PHF21A: variants seen among roughly 807,000 people sequenced by gnomAD.
PHF21A encodes BHC80a.
A neutral mutation model predicts 82.5 loss-of-function variants in PHF21A; 11 were observed. The ratio of observed to expected loss-of-function variants is 0.13; its 90% CI spans 0.08 to 0.22. The LOEUF (loss-of-function observed/expected upper bound fraction) is 0.22, where lower values mean the gene tolerates loss of function less well. PHF21A is among the 10% of genes least tolerant of loss of function. The pLI, the probability that PHF21A is intolerant of heterozygous loss-of-function variation, is 1.00. For synonymous variants in PHF21A, 297 were observed against 302.8 expected, an observed-to-expected ratio of 0.98 and a Z score of 0.20; for missense variants, 579 against 837.8, an observed-to-expected ratio of 0.69 and a Z score of 3.81.
At chr11:45,983,318 AAAAG>A (rs2136378983) in intron 6 of PHF21A, among the ~76,000 whole-genome samples, 2 of 152,234 alleles carry the variant, frequency 1.3e-5, no homozygotes, top group African/African-American at 2.4e-5. Context: ...AAAAAAAGGA[AAAAG>A]AAAGAGAGCT....
At chr11:45,961,207 C>T (rs1342434011) in intron 10 of PHF21A, among the ~76,000 whole-genome samples, 3 of 152,162 alleles carry the variant, frequency 2.0e-5, no homozygotes, top group Non-Finnish European at 1.5e-5. Context: ...AACTCCTGTT[C>T]TTTTTGGTAT....
intron 1 of PHF21A, chr11:46,116,665 TA>T (rs1259901991): frequency 1.3e-5 from 2 of 151,980 alleles, no homozygotes; most frequent in Admixed American, 6.5e-5. Flanking sequence ...CAGCAGTATT[TA>T]AAAAACAAAA....
chr11:45,982,344 C>CCTTATA (rs2094334772), intron 6 of PHF21A, among the ~76,000 whole-genome samples: 1 of 152,046 alleles, frequency 6.6e-6, no homozygotes, highest in African/African-American at 2.4e-5. Context: ...GGGAAAAATT[C>CCTTATA]TGCTATGCAT....
At chr11:46,099,686 A>T (rs1007987694) in intron 1 of PHF21A, among the ~76,000 whole-genome samples, 2 of 152,166 alleles carry the variant, frequency 1.3e-5, no homozygotes, top group African/African-American at 4.8e-5. Context: ...AGTGAGAAAA[A>T]AGCCAAGCTT....
chr11:45,986,084 A>AACAAACACACACACACACACAC (rs2094480877), intron 6 of PHF21A, among the ~76,000 whole-genome samples: 1 of 132,202 alleles, frequency 7.6e-6, no homozygotes. Flanking sequence ...CTTCCTTCAA[A>AACAAACACACACACACACACAC]ACACACACAC....
At chr11:45,952,324 C>A (rs1182652689) in intron 11 of PHF21A, among the ~76,000 whole-genome samples, 3 of 152,146 alleles carry the variant, frequency 2.0e-5, no homozygotes, top group Non-Finnish European at 4.4e-5. Flanking sequence ...TCGCTGCAGC[C>A]TAGACCTCCC....
intron 10 of PHF21A, among the ~76,000 whole-genome samples, chr11:45,961,941 G>GGGATAAGATCTCTTATCTGGGGT: frequency 6.6e-6 from 1 of 152,176 alleles, no homozygotes; most frequent in Non-Finnish European, 1.5e-5. Context: ...TTTCTAATAA[G>GGGATAAGATCTCTTATCTGGGGT]GGATAAGATC....
chr11:46,120,414 C>A (rs1246255575), intron 1 of PHF21A: 2 of 145,082 alleles, frequency 1.4e-5, no homozygotes, highest in African/African-American at 2.5e-5. Context: ...CCCCGGCCGG[C>A]CCCCCGCCGG....
At chr11:46,112,576 C>T (rs2097229943) in intron 1 of PHF21A, among the ~76,000 whole-genome samples, 1 of 152,148 alleles carries the variant, frequency 6.6e-6, no homozygotes, top group African/African-American at 2.4e-5. Flanking sequence ...TTCTCTGCCT[C>T]AGACTACATT....
chr11:45,977,160 G>T (rs2136221775), intron 7 of PHF21A, among the ~76,000 whole-genome samples: 5 of 138,818 alleles, frequency 3.6e-5, no homozygotes. Flanking sequence ...TTTTTTTTGA[G>T]ATGGAGTCTT....
intron 6 of PHF21A, among the ~76,000 whole-genome samples, chr11:46,005,346 G>A (rs2095269520): frequency 6.6e-6 from 1 of 152,092 alleles, no homozygotes; most frequent in African/African-American, 2.4e-5. Context: ...GACCAGAAGT[G>A]TTTCAGATTT....
chr11:46,038,164 T>A (rs2096056159), intron 6 of PHF21A, among the ~76,000 whole-genome samples: 1 of 151,928 alleles, frequency 6.6e-6, no homozygotes, highest in Non-Finnish European at 1.5e-5. Flanking sequence ...TTTTTTTTTG[T>A]CACTCAGGCT....
At position 45,940,341 on chromosome 11, in the gene PHF21A, G is replaced by A. The variant is rs570277668; in HGVS notation, c.1453-2029C>T. ...CTCCTGAGTAGCTGGGATTACAGGCGCCCACCACCACGCCTGACTAACTTT... is the reference window on the plus strand; with the variant it reads ...CTCCTGAGTAGCTGGGATTACAGGCACCCACCACCACGCCTGACTAACTTT... On this transcript the variant is annotated intron_variant, in intron 15 of 18. Transcript: ENST00000676320. 1.6e-4 allele frequency among the ~76,000 whole-genome samples: 24 copies of A among 152,010 alleles called. 1 individual carries two copies. The South Asian group carries it at 4.4e-3, about 28-fold the overall frequency.
chr11:46,015,895 CATCTATCTATCTATCTATCTATCT>C (rs35580116), intron 6 of PHF21A, among the ~76,000 whole-genome samples: 1 of 149,482 alleles, frequency 6.7e-6, no homozygotes, highest in East Asian at 2.0e-4. Context: ...GTTTTACAGT[CATCTATCTATCTATCTATCTATCT>C]ATCTATCTAT....
chr11:46,038,905 C>T (rs1304858741), intron 6 of PHF21A, among the ~76,000 whole-genome samples: 2 of 152,078 alleles, frequency 1.3e-5, no homozygotes, highest in East Asian at 1.9e-4. Context: ...AAGTTTCCAA[C>T]GCATGAAACT....
intron 6 of PHF21A, among the ~76,000 whole-genome samples, chr11:46,014,935 C>A (rs1313238207): frequency 2.0e-5 from 1 of 50,504 alleles, no homozygotes; most frequent in Non-Finnish European, 3.2e-5. Context: ...AGCCGAGATC[C>A]CGCCACTGCA....
At chr11:46,111,792 T>C (rs1294725671) in intron 1 of PHF21A, among the ~76,000 whole-genome samples, 1 of 152,106 alleles carries the variant, frequency 6.6e-6, no homozygotes. Flanking sequence ...AAAGAGAAAA[T>C]TAATGTAAAG....
At chr11:46,006,163 G>T (rs2095289234) in intron 6 of PHF21A, among the ~76,000 whole-genome samples, 2 of 152,266 alleles carry the variant, frequency 1.3e-5, no homozygotes, top group Admixed American at 1.3e-4. Flanking sequence ...TGTTGACATA[G>T]TTCCTATAAA....
At chr11:46,099,654 TCA>T (rs2097063703) in intron 1 of PHF21A, among the ~76,000 whole-genome samples, 1 of 151,770 alleles carries the variant, frequency 6.6e-6, no homozygotes, top group Non-Finnish European at 1.5e-5. Context: ...CCTAGAAAAC[TCA>T]GAGTAGGCCT....
Sources: allele counts gnomAD v4.1 joint callset (sites outside exome capture counted in the v4.1 genomes callset), GRCh38; gene constraint gnomAD v4.1.1; transcripts MANE v1.5; gene names NCBI Gene and HGNC (gene_info 2026-07-23, HGNC 2026-07-21).